IGSF11: variants seen among roughly 807,000 people sequenced by gnomAD.
IGSF11 encodes immunoglobulin superfamily member 11, also known as CXADR like 1.
Under a neutral mutation model 41.0 loss-of-function variants are expected in IGSF11, and 22 were observed. That is an observed-to-expected ratio of 0.54 (90% CI 0.38 to 0.77). The LOEUF is 0.77. Ranked by LOEUF, IGSF11 falls within the 30% of genes least tolerant of loss-of-function variation. IGSF11 has a pLI of 0.00. For synonymous variants in IGSF11, 219 were observed against 201.3 expected (o/e 1.09, Z -0.74); for missense variants, 444 against 530.8 (o/e 0.84, Z 1.61).
intron 1 of IGSF11, among the ~76,000 whole-genome samples, chr3:119,029,276 C>CA: frequency 1.0e-5 from 1 of 96,746 alleles, no homozygotes; most frequent in East Asian, 2.4e-4. Flanking sequence ...ACACACACAC[C>CA]CGAGAGAGAG....
intron 1 of IGSF11, among the ~76,000 whole-genome samples, chr3:119,015,163 G>A (rs554671453): frequency 6.6e-6 from 1 of 152,088 alleles, no homozygotes; most frequent in Admixed American, 6.5e-5. Flanking sequence ...AACTATCTCC[G>A]GAAATAAGCA....
At chr3:119,069,880 C>A (rs912224949) in intron 1 of IGSF11, among the ~76,000 whole-genome samples, 2 of 152,184 alleles carry the variant, frequency 1.3e-5, no homozygotes, top group African/African-American at 4.8e-5. Context: ...AGACCTATTT[C>A]TTCCCAGTTC....
intron 1 of IGSF11, among the ~76,000 whole-genome samples, chr3:119,025,431 G>T (rs1430404813): frequency 5.4e-5 from 8 of 148,392 alleles, no homozygotes; most frequent in Admixed American, 5.3e-4. Context: ...ATCAATCCTT[G>T]TAACAGTAAC....
intron 1 of IGSF11, among the ~76,000 whole-genome samples, chr3:119,130,373 T>C (rs2077464694): frequency 6.6e-6 from 1 of 152,202 alleles, no homozygotes; most frequent in Non-Finnish European, 1.5e-5. Context: ...ACTTTTCCCA[T>C]GGTCTTAGCA....
chr3:119,061,032 A>T (rs1347237043), intron 1 of IGSF11, among the ~76,000 whole-genome samples: 3 of 152,208 alleles, frequency 2.0e-5, no homozygotes, highest in African/African-American at 4.8e-5. Flanking sequence ...TTGGAACTCA[A>T]AAACAGTGAG....
chr3:118,951,447 A>G (rs1425900868), intron 1 of IGSF11, among the ~76,000 whole-genome samples: 3 of 152,126 alleles, frequency 2.0e-5, no homozygotes, highest in Non-Finnish European at 4.4e-5. Flanking sequence ...CTACACACAC[A>G]CATAAGCATT....
intron 1 of IGSF11, among the ~76,000 whole-genome samples, chr3:119,054,441 T>C (rs1941741533): frequency 6.6e-6 from 1 of 152,106 alleles, no homozygotes; most frequent in African/African-American, 2.4e-5. Context: ...ATGCTCAACA[T>C]CACTAATTAT....
intron 2 of IGSF11, 52 bp downstream of exon 2, chr3:118,930,060 T>G (rs1191424569): frequency 2.6e-6 from 4 of 1,539,836 alleles, no homozygotes; most frequent in Non-Finnish European, 3.5e-6. Flanking sequence ...CCTACCAACC[T>G]CCTCTGAAAA....
intron 1 of IGSF11, among the ~76,000 whole-genome samples, chr3:119,132,150 A>G (rs1376910621): frequency 2.0e-5 from 3 of 152,062 alleles, no homozygotes; most frequent in East Asian, 3.9e-4. Context: ...CAATTAATGG[A>G]AAAAATAACC....
chr3:119,048,097 C>T (rs1027282977), intron 1 of IGSF11, among the ~76,000 whole-genome samples: 1 of 151,396 alleles, frequency 6.6e-6, no homozygotes, highest in Non-Finnish European at 1.5e-5. Flanking sequence ...ACTAGAAAAG[C>T]AAGAGCAAAC....
intron 1 of IGSF11, among the ~76,000 whole-genome samples, chr3:118,937,891 T>C (rs1943394344): frequency 6.6e-6 from 1 of 152,132 alleles, no homozygotes; most frequent in Non-Finnish European, 1.5e-5. Flanking sequence ...CATTGACTTC[T>C]CCCCTTCAAC....
intron 1 of IGSF11, among the ~76,000 whole-genome samples, chr3:118,988,011 C>T (rs1935427824): frequency 6.6e-6 from 1 of 152,158 alleles, no homozygotes; most frequent in Admixed American, 6.5e-5. Flanking sequence ...AGTTTTCTCA[C>T]CTGATAGGCA....
At position 119,087,401 on chromosome 3, in the gene IGSF11, C is replaced by CACAT. The variant is rs1341828162; in HGVS notation, c.49+17742_49+17743insATGT. Among the ~76,000 whole-genome samples, 5 of 137,558 alleles carry CACAT rather than the reference C, an allele frequency of 3.6e-5. No individual in the cohort carries two copies. In the East Asian group the frequency reaches 1.1e-3, roughly 30 times the overall value. The allele number at this position is 137,558 out of a possible 152,430, so 90.2% of individuals were successfully genotyped here. ...ACACACACACACACACACACACACA[C>CACAT]ATACACACACACACACACACACCAT... On this transcript the variant is annotated intron_variant, in intron 1 of 6. Transcript: ENST00000354673.
intron 1 of IGSF11, among the ~76,000 whole-genome samples, chr3:119,072,422 G>C (rs543123291): frequency 8.5e-5 from 13 of 152,188 alleles, no homozygotes; most frequent in Admixed American, 2.0e-4. Context: ...GTTGTGTCCA[G>C]AATTGGTGGG....
intron 1 of IGSF11, among the ~76,000 whole-genome samples, chr3:119,091,240 T>A (rs558683823): frequency 4.6e-5 from 7 of 152,216 alleles, no homozygotes; most frequent in African/African-American, 1.7e-4. Flanking sequence ...AGGGAACACT[T>A]CTACTTTGTT....
intron 1 of IGSF11, among the ~76,000 whole-genome samples, chr3:119,012,318 T>G (rs1324961731): frequency 6.6e-6 from 1 of 152,226 alleles, no homozygotes; most frequent in East Asian, 1.9e-4. Context: ...AATTATTCAT[T>G]ATGGTATTTC....
intron 1 of IGSF11, among the ~76,000 whole-genome samples, chr3:119,139,362 T>C (rs927464191): frequency 6.6e-6 from 1 of 152,170 alleles, no homozygotes; most frequent in Non-Finnish European, 1.5e-5. Flanking sequence ...GTATTTGATA[T>C]GGTTTGGTTG....
intron 1 of IGSF11, among the ~76,000 whole-genome samples, chr3:119,027,558 T>G (rs948875959): frequency 2.0e-5 from 3 of 152,198 alleles, no homozygotes; most frequent in South Asian, 2.1e-4. Context: ...GGAAAAAATA[T>G]GTTACTTGTC....
chr3:119,064,514 T>C (rs1278174732), intron 1 of IGSF11, among the ~76,000 whole-genome samples: 2 of 144,464 alleles, frequency 1.4e-5, no homozygotes, highest in African/African-American at 5.0e-5. Context: ...GGCTGCTCTT[T>C]TTTTTTTTTT....
Sources: allele counts gnomAD v4.1 joint callset (sites outside exome capture counted in the v4.1 genomes callset), GRCh38; gene constraint gnomAD v4.1.1; transcripts MANE v1.5; gene names NCBI Gene and HGNC (gene_info 2026-07-23, HGNC 2026-07-21).